The following PCDHA5 variants were observed in gnomAD, a reference collection of about 807,000 sequenced individuals.
PCDHA5 encodes protocadherin alpha-5.
PCDHA5 carries 43 observed loss-of-function variants against 61.6 expected under a neutral mutation model. The ratio of observed to expected loss-of-function variants is 0.70; its 90% confidence interval spans 0.55 to 0.90. The LOEUF is 0.90. Ranked by LOEUF, PCDHA5 falls within the 40% of genes least tolerant of loss-of-function variation. The probability of loss-of-function intolerance (pLI) is 0.00; values close to 1 mark genes in which losing one functional copy is unlikely to be tolerated. For missense variants in PCDHA5, 1,298 were observed against 1,222.7 expected (o/e 1.06, Z -0.92); for synonymous variants, 627 against 543.9 (o/e 1.15, Z -2.13).
intron 1 of PCDHA5, among the ~76,000 whole-genome samples, chr5:140,916,610 A>G (rs1002556327): frequency 6.6e-6 from 1 of 152,196 alleles, no homozygotes; most frequent in Non-Finnish European, 1.5e-5. Flanking sequence ...TGCGGGCCTC[A>G]TGACTCTACT....
chr5:140,856,803 A>G, intron 1 of PCDHA5: 4 of 1,595,568 alleles, frequency 2.5e-6, no homozygotes, highest in Non-Finnish European at 3.4e-6. Flanking sequence ...AAGATGTATG[A>G]AAATCAAGTG....
rs1554213921 is a variant in PCDHA5 at position 140,941,202 on chromosome 5, C to CTTTCTTTCTTTCTTT, written c.2353-37747_2353-37746insTTTCTTTCTTTCTTT. Among the ~76,000 whole-genome samples the CTTTCTTTCTTTCTTT allele has an allele frequency of 5.9e-3, 725 of 122,798 alleles. 27 individuals are homozygous for CTTTCTTTCTTTCTTT. The highest frequency in any genetic ancestry group is 0.024 in the East Asian group (107 of 4,522). The allele number at this position is 122,798 out of a possible 152,430, so 80.6% of individuals were successfully genotyped here. ...TCCTGCTTCTTTTTTTTTCTTTCTTCCTTTCTTTCTTCCTTTCTTTCTTTC... is the reference window on the plus strand; with the variant it reads ...TCCTGCTTCTTTTTTTTTCTTTCTTCTTTCTTTCTTTCTTTCTTTCTTTCTTCCTTTCTTTCTTTC... On this transcript the variant is annotated intron_variant, in intron 1 of 3. Coordinates refer to ENST00000529859, the MANE Select transcript of PCDHA5 (RefSeq NM_018908.3).
chr5:140,824,274 ATGC>A, intron 1 of PCDHA5, 147 bp downstream of exon 1: 2 of 1,155,556 alleles, frequency 1.7e-6, no homozygotes, highest in Non-Finnish European at 2.5e-6. Context: ...CATGTATTAT[ATGC>A]TTTTTATGAG....
chr5:140,836,633 C>A (rs2150266268), intron 1 of PCDHA5: 8 of 1,613,432 alleles, frequency 5.0e-6, no homozygotes, highest in Non-Finnish European at 5.9e-6. Flanking sequence ...GCTGGTCATT[C>A]TCCCAGCAGA....
At position 140,982,472 on chromosome 5, in the gene PCDHA5, C is replaced by T; in HGVS notation, c.2412-3C>T. The stretch of plus-strand genomic sequence containing the variant: ...CGTTATCTGGGTCTGTGTGTTTATT[C>T]AGCTCTGTGCACCTAGAGGAGGCTG... On this transcript the variant is annotated splice_polypyrimidine_tract_variant and splice_region_variant and intron_variant, in intron 2 of 3. Transcript: ENST00000529859. The T allele has an allele frequency of 3.1e-6, 5 of 1,614,144 alleles. No individual in the cohort carries two copies. Among genetic ancestry groups the T allele is most frequent in the Non-Finnish European group, 4.2e-6 (5 of 1,180,022 alleles).
intron 1 of PCDHA5, among the ~76,000 whole-genome samples, chr5:140,970,348 T>A (rs2096398928): frequency 6.6e-6 from 1 of 152,186 alleles, no homozygotes; most frequent in Admixed American, 6.5e-5. Context: ...ATTTTCTGGA[T>A]CTAAAATTTG....
intron 1 of PCDHA5, chr5:140,834,491 C>T (rs2150219703): frequency 1.2e-6 from 2 of 1,614,110 alleles, no homozygotes; most frequent in South Asian, 1.1e-5. Context: ...ACTCGGTCCC[C>T]GAGGAGGCTA....
chr5:140,850,472 G>A (rs2150485623), intron 1 of PCDHA5: 1 of 1,598,076 alleles, frequency 6.3e-7, no homozygotes, highest in South Asian at 1.1e-5. Context: ...AGCCAGCGCT[G>A]ACGGCCACGG....
chr5:140,877,818 T>C (rs1207543793), intron 1 of PCDHA5: 1 of 1,608,890 alleles, frequency 6.2e-7, no homozygotes, highest in Non-Finnish European at 8.5e-7. Flanking sequence ...CTCGAGAAGA[T>C]TGTTTAAATC....
At chr5:140,967,226 C>G (rs782350843) in intron 1 of PCDHA5, 1 of 1,613,746 alleles carries the variant, frequency 6.2e-7, no homozygotes, top group Non-Finnish European at 8.5e-7. Flanking sequence ...GCCCAACTAC[C>G]AGCTTCAGGT....
chr5:140,876,759 T>A, intron 1 of PCDHA5: 1 of 1,614,146 alleles, frequency 6.2e-7, no homozygotes, highest in Non-Finnish European at 8.5e-7. Context: ...CTGCGCGGGA[T>A]GGGGGCTCGC....
intron 1 of PCDHA5, among the ~76,000 whole-genome samples, chr5:140,958,822 A>G (rs1554223658): frequency 6.6e-6 from 1 of 152,146 alleles, no homozygotes; most frequent in Non-Finnish European, 1.5e-5. Context: ...TTTAATTTTT[A>G]TATCTTAAAG....
At chr5:140,939,104 T>G (rs2092317491) in intron 1 of PCDHA5, among the ~76,000 whole-genome samples, 1 of 152,160 alleles carries the variant, frequency 6.6e-6, no homozygotes, top group South Asian at 2.1e-4. Context: ...CAATAGAAAT[T>G]TATTTTTCAC....
chr5:140,981,699 T>A (rs1162840326), intron 2 of PCDHA5, among the ~76,000 whole-genome samples: 1 of 151,316 alleles, frequency 6.6e-6, no homozygotes, highest in Non-Finnish European at 1.5e-5. Context: ...CATTCATTCA[T>A]TCATTCATTC....
intron 1 of PCDHA5, chr5:140,877,285 G>C: frequency 1.2e-6 from 2 of 1,613,898 alleles, no homozygotes; most frequent in Non-Finnish European, 1.7e-6. Context: ...CGGCTATAAC[G>C]CTTGGCTGTC....
chr5:140,882,926 C>A (rs144073627), intron 1 of PCDHA5: 1 of 1,614,058 alleles, frequency 6.2e-7, no homozygotes, highest in Non-Finnish European at 8.5e-7. Flanking sequence ...TGGAGGTAAA[C>A]CCGAGCTGAC....
In PCDHA5 at chr5:140,928,021, T is replaced by G. The variant is rs1554205382; in HGVS notation, c.2353-50928T>G. ...CCTCGATTCTAATGGTAGGGTCATT[T>G]GTGGCATGTCTAGTGCAGGCCCTTT... On this transcript the variant is annotated intron_variant, in intron 1 of 3. Coordinates refer to ENST00000529859, the MANE Select transcript of PCDHA5 (RefSeq NM_018908.3). 3 of 1,614,220 alleles carry G rather than the reference T, an allele frequency of 1.9e-6. No individual in the cohort carries two copies. The African/African-American group carries it at 4.0e-5, about 22-fold the overall frequency.
At chr5:141,003,962 C>G (rs2098144287) in intron 3 of PCDHA5, among the ~76,000 whole-genome samples, 1 of 152,098 alleles carries the variant, frequency 6.6e-6, no homozygotes, top group Non-Finnish European at 1.5e-5. Context: ...ACCCTGGGAG[C>G]ATAAGGGAGG....
chr5:141,005,034 T>C (rs1435712039), intron 3 of PCDHA5, among the ~76,000 whole-genome samples: 1 of 152,222 alleles, frequency 6.6e-6, no homozygotes, highest in Non-Finnish European at 1.5e-5. Flanking sequence ...ATTGCCCATA[T>C]GTGATACCAT....
Sources: gnomAD v4.1 joint callset for allele counts (sites outside exome capture counted in the v4.1 genomes callset) on GRCh38, gnomAD v4.1.1 for gene constraint, MANE v1.5 for transcripts, NCBI Gene and HGNC (gene_info 2026-07-23, HGNC 2026-07-21) for gene names.